ZNF540: variants seen among roughly 807,000 people sequenced by gnomAD.
ZNF540 encodes CTD-3064H18.6.
In ZNF540, 3 loss-of-function variants were observed where a neutral mutation model predicts 11.8. The observed-to-expected ratio is 0.25, with a 90% CI of 0.12 to 0.65. ZNF540 has a LOEUF of 0.65. ZNF540 is among the 30% of genes least tolerant of loss of function. The pLI is 0.83. For missense variants in ZNF540, 709 were observed against 793.1 expected (o/e 0.89, Z 1.27); for synonymous variants, 247 against 259.0 (o/e 0.95, Z 0.45).
upstream of ZNF540, among the ~76,000 whole-genome samples, chr19:37,593,884 T>C (rs1467389754): frequency 1.3e-5 from 2 of 152,070 alleles, no homozygotes; most frequent in Non-Finnish European, 2.9e-5. Flanking sequence ...CTTAGGAAGA[T>C]GTTGCTGGAG....
chr19:37,581,280 T>C (rs1039128207), intron 1 of ZNF540, among the ~76,000 whole-genome samples: 2 of 152,152 alleles, frequency 1.3e-5, no homozygotes, highest in Non-Finnish European at 2.9e-5. Context: ...TTTTTAATAA[T>C]GATTAGCACA....
At chr19:37,579,910 T>C (rs1227752860) in intron 1 of ZNF540, among the ~76,000 whole-genome samples, 2 of 152,230 alleles carry the variant, frequency 1.3e-5, no homozygotes, top group African/African-American at 2.4e-5. Context: ...AAAGTGTACA[T>C]TCTTATTTTA....
At chr19:37,571,554 C>T (rs1403616395) in intron 1 of ZNF540, among the ~76,000 whole-genome samples, 1 of 152,058 alleles carries the variant, frequency 6.6e-6, no homozygotes, top group Non-Finnish European at 1.5e-5. Context: ...CATAGCCAAA[C>T]CATACACAAG....
intron 1 of ZNF540, among the ~76,000 whole-genome samples, chr19:37,567,282 A>G (rs933257194): frequency 6.6e-6 from 1 of 152,248 alleles, no homozygotes; most frequent in African/African-American, 2.4e-5. Context: ...TAACATCATT[A>G]CTTACACATT....
chr19:37,590,755 CAAAAT>C (rs2043846290), upstream of ZNF540, among the ~76,000 whole-genome samples: 1 of 151,914 alleles, frequency 6.6e-6, no homozygotes, highest in Non-Finnish European at 1.5e-5. Flanking sequence ...AATATTATAT[CAAAAT>C]AAAAATTTTA....
chr19:37,565,842 CAT>C (rs1433422871), intron 1 of ZNF540: 1 of 1,613,838 alleles, frequency 6.2e-7, no homozygotes, highest in South Asian at 1.1e-5. Context: ...TCCATACACT[CAT>C]AAGGTTTCTC....
intron 1 of ZNF540, chr19:37,566,433 T>G: frequency 2.2e-6 from 2 of 927,998 alleles, no homozygotes; most frequent in South Asian, 1.9e-5. Context: ...GCCATTTTTC[T>G]TTAAAGGCAC....
intron 4 of ZNF540, among the ~76,000 whole-genome samples, chr19:37,609,492 C>T (rs1600564036): frequency 2.0e-5 from 3 of 151,776 alleles, no homozygotes; most frequent in Admixed American, 2.0e-4. Context: ...TTGCAGTGAG[C>T]CAAGATGGTG....
chr19:37,570,307 G>C (rs970936926), intron 1 of ZNF540, among the ~76,000 whole-genome samples: 5 of 152,014 alleles, frequency 3.3e-5, no homozygotes, highest in African/African-American at 1.2e-4. Flanking sequence ...TACAACCTCT[G>C]CCCCGCCTGT....
At chr19:37,565,010 T>C (rs760063144) in intron 1 of ZNF540, 1 of 1,613,774 alleles carries the variant, frequency 6.2e-7, no homozygotes, top group South Asian at 1.1e-5. Context: ...ACATTCATAA[T>C]GTTTCTCACC....
At chr19:37,553,629 C>T (rs1376492794) in intron 1 of ZNF540, among the ~76,000 whole-genome samples, 10 of 152,112 alleles carry the variant, frequency 6.6e-5, no homozygotes, top group South Asian at 6.2e-4. Flanking sequence ...CTAAATATTA[C>T]GGCACTTTTT....
chr19:37,555,773 A>G, intron 1 of ZNF540: 2 of 622,714 alleles, frequency 3.2e-6, no homozygotes, highest in South Asian at 3.8e-5. Context: ...TGGGATATAA[A>G]ATCTTAATTC....
At chr19:37,608,274 ACAT>A (rs1281275958) in intron 4 of ZNF540, among the ~76,000 whole-genome samples, 1 of 151,938 alleles carries the variant, frequency 6.6e-6, no homozygotes, top group Non-Finnish European at 1.5e-5. Flanking sequence ...TTCTCTTGTC[ACAT>A]CTTCAAGTGC....
At chr19:37,566,314 A>C (rs2042858283) in intron 1 of ZNF540, 3 of 1,566,736 alleles carry the variant, frequency 1.9e-6, no homozygotes, top group Non-Finnish European at 2.6e-6. Context: ...AAGAAAGCAA[A>C]TTCCTGCTTT....
chr19:37,609,482 T>A (rs1478084367), intron 4 of ZNF540, among the ~76,000 whole-genome samples: 5 of 151,984 alleles, frequency 3.3e-5, no homozygotes, highest in African/African-American at 7.3e-5. Context: ...GAGGCAGCGG[T>A]TGCAGTGAGC....
chr19:37,561,626 C>T (rs973219659), intron 1 of ZNF540, among the ~76,000 whole-genome samples: 2 of 152,156 alleles, frequency 1.3e-5, no homozygotes, highest in African/African-American at 4.8e-5. Flanking sequence ...TTTGGTTATG[C>T]ACTGTATCAT....
chr19:37,609,570 G>A (rs990429353), intron 4 of ZNF540, among the ~76,000 whole-genome samples: 2 of 151,310 alleles, frequency 1.3e-5, no homozygotes, highest in African/African-American at 4.9e-5. Flanking sequence ...TAGAGTGGCC[G>A]GGCGCAGTGG....
intron 1 of ZNF540, among the ~76,000 whole-genome samples, chr19:37,571,513 C>A (rs1044736382): frequency 6.6e-6 from 1 of 151,912 alleles, no homozygotes; most frequent in Non-Finnish European, 1.5e-5. Context: ...CAAAAACAAA[C>A]AAAAAAACAA....
At chr19:37,555,727 T>A (rs1013905795) in intron 1 of ZNF540, 91 of 604,384 alleles carry the variant, frequency 1.5e-4, no homozygotes, top group Non-Finnish European at 6.5e-5. Context: ...AGACCAGGAT[T>A]TTTTGGATGG....
Sources: allele counts gnomAD v4.1 joint callset (sites outside exome capture counted in the v4.1 genomes callset), GRCh38; gene constraint gnomAD v4.1.1; transcripts MANE v1.5; gene names NCBI Gene and HGNC (gene_info 2026-07-23, HGNC 2026-07-21).